CDH22: variants seen among roughly 807,000 people sequenced by gnomAD.
CDH22 encodes the protein cadherin 22.
In CDH22, 30 loss-of-function variants were observed where a neutral mutation model predicts 58.4. That is an observed-to-expected ratio of 0.51 (90% CI 0.38 to 0.70). The LOEUF is 0.70. Ranked by LOEUF, CDH22 falls within the 30% of genes least tolerant of loss-of-function variation. The pLI, the probability that CDH22 is intolerant of heterozygous loss-of-function variation, is 0.00. For synonymous variants in CDH22, 513 were observed against 558.2 expected (o/e 0.92, Z 1.14); for missense variants, 1,014 against 1,233.9 (o/e 0.82, Z 2.67).
At chr20:46,237,723 T>C (rs930663928) in intron 3 of CDH22, among the ~76,000 whole-genome samples, 2 of 152,148 alleles carry the variant, frequency 1.3e-5, no homozygotes, top group African/African-American at 2.4e-5. Context: ...TGGGTCTCCA[T>C]AGGCCAGTGG....
chr20:46,235,111 C>T (rs1049624084), intron 3 of CDH22, among the ~76,000 whole-genome samples: 4 of 152,208 alleles, frequency 2.6e-5, no homozygotes, highest in East Asian at 1.9e-4. Context: ...TCTTTGCATC[C>T]TCTGCAGTGC....
Position 46,210,557 on chromosome 20 carries a change from G to C in CDH22, c.1036C>G (p.Leu346Val), listed in dbSNP as rs2086035676. 1 of 1,427,156 alleles carries C rather than the reference G, an allele frequency of 7.0e-7. No homozygotes were observed. Among genetic ancestry groups the C allele is most frequent in the South Asian group, 1.6e-5 (1 of 62,740 alleles). 88.4% of individuals were successfully genotyped at this position (1,427,156 alleles called of 1,614,324 possible). ...QEAIIVVQKR[L>V]DFESQPVHTV... is the part of the protein sequence containing the mutation. ...TGCACGGGCTGGGATTCGAAGTCCA[G>C]GCGCTGCGGGAGGGAGCAGAGGGCC... Residue 346 changes from leucine to valine, a missense_variant, in exon 7 of 12, where the codon CTG (leucine) becomes GTG (valine). This residue lies in a region of CDH22 where 806 missense variants were observed against 1,038.7 expected (regional missense o/e 0.78). Transcript: ENST00000537909. The surrounding 1 kb of genome is among the most constrained non-coding windows in gnomAD (Gnocchi z 4.5).
intron 3 of CDH22, among the ~76,000 whole-genome samples, chr20:46,234,996 T>G (rs1372721416): frequency 6.6e-6 from 1 of 152,268 alleles, no homozygotes; most frequent in Non-Finnish European, 1.5e-5. Context: ...AAATGTTTGC[T>G]AAGTTGGGTG....
rs766267734 is a variant in CDH22, at chr20:46,251,215, G to A, written c.80C>T (p.Pro27Leu). The A allele has an allele frequency of 9.6e-6, 14 of 1,462,750 alleles. No individual in the cohort carries two copies. The highest frequency in any genetic ancestry group is 3.0e-5 in the African/African-American group (2 of 67,062). The allele number at this position is 1,462,750 out of a possible 1,614,324, so 90.6% of individuals were successfully genotyped here. A position where few individuals can be genotyped will look rare whatever the true frequency, so the allele number is the denominator to read the frequency against. The change falls in exon 2 of 12, where the codon CCG (proline) becomes CTG (leucine). Residue 27 changes from proline to leucine, a missense_variant. Pro to Leu is a moderately conservative substitution (Grantham distance 98). Transcript: ENST00000537909. The surrounding 1 kb of genome is among the most constrained non-coding windows in gnomAD (Gnocchi z 6.7). ...SPALLLLLLL[P>L]PPPTLLGRLW... ...GCGCCCCAGCAGCGTCGGCGGCGGC[G>A]GCAGCAGCAGCAGCAGCAGTAGCGC...
At chr20:46,245,202 C>T (rs1317473072) in intron 2 of CDH22, among the ~76,000 whole-genome samples, 1 of 152,204 alleles carries the variant, frequency 6.6e-6, no homozygotes, top group African/African-American at 2.4e-5. Context: ...CACACAGACT[C>T]AAATCCTGAC....
At chr20:46,257,316 A>AAT in intron 1 of CDH22, among the ~76,000 whole-genome samples, 1 of 151,942 alleles carries the variant, frequency 6.6e-6, no homozygotes, top group African/African-American at 2.4e-5. Flanking sequence ...AAAAAAAAAA[A>AAT]TCATGCTGGC....
intron 1 of CDH22, among the ~76,000 whole-genome samples, chr20:46,285,474 A>C (rs1189324773): frequency 6.6e-6 from 1 of 152,196 alleles, no homozygotes; most frequent in Non-Finnish European, 1.5e-5. Flanking sequence ...TGCTACTGGC[A>C]TCTAGTGGGT....
At chr20:46,274,314 T>TAA (rs1489398056) in intron 1 of CDH22, among the ~76,000 whole-genome samples, 3,156 of 152,282 alleles carry the variant, frequency 0.021, 69 homozygotes, top group African/African-American at 0.053. Context: ...AGGGTTTCCC[T>TAA]GGCCTAGGTC....
rs2086538537 is a variant in CDH22, at chr20:46,279,566, T to C, written c.-399-27873A>G. Among the ~76,000 whole-genome samples the C allele has an allele frequency of 2.0e-5, 3 of 152,188 alleles. No homozygotes were observed. The South Asian group carries it at 6.2e-4, about 32-fold the overall frequency. ...AGTATGAATCCATTTACATTAAAAATACCACAAAACAATGCTAGTTATTTT... is the reference window on the plus strand; with the variant it reads ...AGTATGAATCCATTTACATTAAAAACACCACAAAACAATGCTAGTTATTTT... On this transcript the variant is annotated intron_variant, in intron 1 of 11. Transcript: ENST00000537909.
intron 7 of CDH22, among the ~76,000 whole-genome samples, chr20:46,203,771 G>A (rs1484115456): frequency 6.6e-6 from 1 of 152,230 alleles, no homozygotes; most frequent in Non-Finnish European, 1.5e-5. Context: ...GGGCGGGGAG[G>A]TAAGATGTAG....
At chr20:46,264,886 C>T (rs79366958) in intron 1 of CDH22, among the ~76,000 whole-genome samples, 2 of 151,168 alleles carry the variant, frequency 1.3e-5, no homozygotes, top group Non-Finnish European at 3.0e-5. Flanking sequence ...ACACACACAC[C>T]GTGCGCGCAC....
At chr20:46,221,280 CTT>C (rs67025636) in intron 4 of CDH22, among the ~76,000 whole-genome samples, 171 of 122,620 alleles carry the variant, frequency 1.4e-3, no homozygotes, top group Middle Eastern at 4.0e-3. Flanking sequence ...TTTTTTTTTT[CTT>C]TTTTTTTTTT....
intron 7 of CDH22, among the ~76,000 whole-genome samples, chr20:46,203,585 T>G (rs1028389879): frequency 1.3e-5 from 2 of 152,226 alleles, no homozygotes; most frequent in Admixed American, 6.5e-5. Context: ...AAAATAGAGA[T>G]GATAATCCTA....
Position 46,308,244 on chromosome 20 carries a change from C to T in CDH22, c.-400+11G>A, listed in dbSNP as rs544316878. Reference sequence around the variant, plus strand: ...TCCGGCCGCTCCTCCCGCGGCACCCCGCGCTCTTACCTCGGGGAGCGGCCC... The same window carrying T: ...TCCGGCCGCTCCTCCCGCGGCACCCTGCGCTCTTACCTCGGGGAGCGGCCC... On this transcript the variant is annotated intron_variant, in intron 1 of 11. Transcript: ENST00000537909. The surrounding 1 kb of genome is among the most constrained non-coding windows in gnomAD (Gnocchi z 4.3). 8.2e-3 allele frequency: 1,260 copies of T among 154,268 alleles called. 24 individuals are homozygous for T. Among genetic ancestry groups the T allele is most frequent in the African/African-American group, 0.029 (1,211 of 41,432 alleles). 9.6% of individuals were successfully genotyped at this position (154,268 alleles called of 1,614,324 possible). A position where few individuals can be genotyped will look rare whatever the true frequency, so the allele number is the denominator to read the frequency against.
At chr20:46,193,455 C>G (rs1301904201) in intron 8 of CDH22, among the ~76,000 whole-genome samples, 1 of 152,176 alleles carries the variant, frequency 6.6e-6, no homozygotes, top group African/African-American at 2.4e-5. Flanking sequence ...CATATGTTCC[C>G]CCGACTCCAT....
chr20:46,265,945 T>TACACACACAC (rs10536307), intron 1 of CDH22, among the ~76,000 whole-genome samples: 91 of 148,136 alleles, frequency 6.1e-4, no homozygotes, highest in African/African-American at 2.1e-3. Flanking sequence ...TTCACACAGA[T>TACACACACAC]ACACACACAC....
At chr20:46,183,775 C>T (rs2085805545) in intron 10 of CDH22, among the ~76,000 whole-genome samples, 2 of 148,880 alleles carry the variant, frequency 1.3e-5, no homozygotes, top group Non-Finnish European at 3.0e-5. Context: ...TAAGGCTCCG[C>T]ATTGGGTGTG....
chr20:46,298,718 T>C (rs2086639045), intron 1 of CDH22, among the ~76,000 whole-genome samples: 1 of 152,074 alleles, frequency 6.6e-6, no homozygotes, highest in African/African-American at 2.4e-5. Flanking sequence ...GCTGGCTGGA[T>C]GAATAATCTC....
chr20:46,306,766 A>G (rs903203010), intron 1 of CDH22, among the ~76,000 whole-genome samples: 5 of 152,212 alleles, frequency 3.3e-5, no homozygotes, highest in Non-Finnish European at 7.3e-5. Context: ...GGCAAAGACC[A>G]AAGGATGTCA....
Sources: allele counts gnomAD v4.1 joint callset (sites outside exome capture counted in the v4.1 genomes callset), GRCh38; gene constraint gnomAD v4.1.1; regional missense constraint gnomAD v4.1.1; non-coding constraint Gnocchi (gnomAD v3.1); transcripts MANE v1.5; gene names NCBI Gene and HGNC (gene_info 2026-07-23, HGNC 2026-07-21).